The following SLC24A4 variants were observed in gnomAD, a reference collection of about 807,000 sequenced individuals.
SLC24A4 encodes the protein sodium/potassium/calcium exchanger 4.
SLC24A4 carries 53 observed loss-of-function variants against 79.0 expected under a neutral mutation model. The ratio of observed to expected loss-of-function variants is 0.67; its 90% CI spans 0.54 to 0.84. The LOEUF is 0.84. SLC24A4 is among the 40% of genes least tolerant of loss of function. The pLI is 0.00. For synonymous variants in SLC24A4, 323 were observed against 323.8 expected, an observed-to-expected ratio of 1.00 and a Z score of 0.03; for missense variants, 731 against 822.0, an observed-to-expected ratio of 0.89 and a Z score of 1.35.
Position 92,442,704 on chromosome 14 carries a change from C to G in SLC24A4, c.479-9C>G. 6.2e-7 allele frequency: 1 copy of G among 1,605,618 alleles called. No homozygotes were observed. The highest frequency in any genetic ancestry group is 8.5e-7 in the Non-Finnish European group (1 of 1,172,378). The stretch of plus-strand genomic sequence containing the variant: ...GCTGAGGCCCAGGGTCTGTGTGTTT[C>G]CTTTCCAGGGGTGTTCATCACCCAT... On this transcript the variant is annotated splice_polypyrimidine_tract_variant and intron_variant, in intron 5 of 16. Transcript: ENST00000532405.
intron 2 of SLC24A4, among the ~76,000 whole-genome samples, chr14:92,382,765 C>A (rs1312468536): frequency 6.6e-6 from 1 of 152,222 alleles, no homozygotes; most frequent in Non-Finnish European, 1.5e-5. Flanking sequence ...TAGAGAAATT[C>A]TTGGAGAAAA....
intron 2 of SLC24A4, among the ~76,000 whole-genome samples, chr14:92,357,425 A>G (rs1887242187): frequency 6.6e-6 from 1 of 152,242 alleles, no homozygotes; most frequent in African/African-American, 2.4e-5. Context: ...ACAACAGCCA[A>G]GAGGTAGAAA....
intron 2 of SLC24A4, among the ~76,000 whole-genome samples, chr14:92,422,877 C>T (rs181924602): frequency 3.0e-3 from 463 of 152,076 alleles, no homozygotes; most frequent in African/African-American, 0.011. Context: ...GCATTGGTGC[C>T]ATCACTGCTC....
At chr14:92,403,434 C>T (rs916689998) in intron 2 of SLC24A4, among the ~76,000 whole-genome samples, 7 of 151,838 alleles carry the variant, frequency 4.6e-5, no homozygotes, top group South Asian at 2.1e-4. Flanking sequence ...GGTGAAACCC[C>T]GTCTCTACTA....
intron 12 of SLC24A4, among the ~76,000 whole-genome samples, chr14:92,470,180 C>T (rs923219019): frequency 3.9e-5 from 6 of 152,214 alleles, no homozygotes; most frequent in Non-Finnish European, 8.8e-5. Context: ...CAAATTCTTG[C>T]AACTCCCTTC....
intron 13 of SLC24A4, among the ~76,000 whole-genome samples, chr14:92,483,277 C>A (rs191780793): frequency 6.6e-6 from 1 of 152,188 alleles, no homozygotes; most frequent in African/African-American, 2.4e-5. Flanking sequence ...CTCCTCCCCC[C>A]ACTGATGTGC....
At chr14:92,444,129 C>CA (rs1205466721) in intron 7 of SLC24A4, among the ~76,000 whole-genome samples, 1 of 151,980 alleles carries the variant, frequency 6.6e-6, no homozygotes, top group African/African-American at 2.4e-5. Flanking sequence ...CCACACCCCC[C>CA]AAAAAATAGA....
rs572479613 is a variant in SLC24A4, at chr14:92,366,019, T to C, written c.241+40041T>C. Among the ~76,000 whole-genome samples, 6 of 152,350 alleles carry C rather than the reference T, an allele frequency of 3.9e-5. No individual in the cohort carries two copies. The East Asian group carries it at 1.2e-3, about 29-fold the overall frequency. ...GGCAGGCACGGTTACAAATCCTTCATGCGTGTAAACTGGGTTAATCTGCAC... is the reference window on the plus strand; with the variant it reads ...GGCAGGCACGGTTACAAATCCTTCACGCGTGTAAACTGGGTTAATCTGCAC... On this transcript the variant is annotated intron_variant, in intron 2 of 16. Coordinates refer to ENST00000532405, the MANE Select transcript of SLC24A4 (RefSeq NM_153646.4).
Position 92,383,252 on chromosome 14 carries a change from C to A in SLC24A4, c.242-50660C>A, listed in dbSNP as rs551516007. On this transcript the variant is annotated intron_variant, in intron 2 of 16. Coordinates refer to ENST00000532405, the MANE Select transcript of SLC24A4 (RefSeq NM_153646.4). ...AGCTGGAAGTAAGATATGGGGCACC[C>A]CCCACTCTGCAGTCTATCCTCATTC... Among the ~76,000 whole-genome samples the A allele has an allele frequency of 2.0e-4, 31 of 152,314 alleles. No homozygotes were observed. The South Asian group carries it at 6.4e-3, about 32-fold the overall frequency.
intron 2 of SLC24A4, among the ~76,000 whole-genome samples, chr14:92,410,622 A>G (rs60509509): frequency 0.26 from 40,238 of 152,104 alleles, 5,835 homozygotes; most frequent in Non-Finnish European, 0.32. Context: ...CCTCTCCCAC[A>G]CCCTTTACAT....
Position 92,325,890 on chromosome 14 carries a change from C to T in SLC24A4, c.153C>T (p.Ser51=). ...GSLGHKTASA[S]KRVLPDTWRN... is the part of the protein sequence containing the mutation. ...CAGGGCACAAAACAGCTTCTGCTAG[C>T]AAACGTGTCCTGCCAGACACGTGGA... The change falls in exon 2 of 17, where the codon AGC becomes AGT. Residue 51 remains serine, a synonymous_variant. Coordinates refer to ENST00000532405, the MANE Select transcript of SLC24A4 (RefSeq NM_153646.4). 1 of 1,610,866 alleles carries T rather than the reference C, an allele frequency of 6.2e-7. No homozygotes were observed. The highest frequency in any genetic ancestry group is 8.5e-7 in the Non-Finnish European group (1 of 1,178,432).
chr14:92,458,048 C>G (rs1217927465), intron 12 of SLC24A4, among the ~76,000 whole-genome samples: 2 of 152,152 alleles, frequency 1.3e-5, no homozygotes, highest in African/African-American at 4.8e-5. Context: ...TAGAGAGATT[C>G]TCTGGGTTAG....
chr14:92,440,620 G>A (rs1240626789), intron 4 of SLC24A4, among the ~76,000 whole-genome samples: 2 of 152,056 alleles, frequency 1.3e-5, no homozygotes, highest in African/African-American at 4.8e-5. Context: ...TACAGTGGAG[G>A]TGCATGCACC....
chr14:92,342,149 A>G (rs1886181416), intron 2 of SLC24A4, among the ~76,000 whole-genome samples: 1 of 152,016 alleles, frequency 6.6e-6, no homozygotes, highest in East Asian at 1.9e-4. Context: ...CACACAATGA[A>G]GTCAGAGGGG....
intron 2 of SLC24A4, among the ~76,000 whole-genome samples, chr14:92,411,351 T>C (rs1890698332): frequency 6.6e-6 from 1 of 152,184 alleles, no homozygotes; most frequent in Non-Finnish European, 1.5e-5. Context: ...TGATCAGGGT[T>C]GAGAAGCCCA....
At chr14:92,408,280 G>C in intron 2 of SLC24A4, 4 of 484,484 alleles carry the variant, frequency 8.3e-6, no homozygotes, top group Non-Finnish European at 1.1e-5. Context: ...ATTTGAATCT[G>C]TTATTGTGTT....
rs1453707283 is a variant in SLC24A4 at position 92,343,650 on chromosome 14, T to C, written c.241+17672T>C. Among the ~76,000 whole-genome samples, 679 of 125,854 alleles carry C rather than the reference T, an allele frequency of 5.4e-3. 7 individuals carry two copies. The highest frequency in any genetic ancestry group is 0.012 in the African/African-American group (370 of 29,718). The allele number at this position is 125,854 out of a possible 152,430, so 82.6% of individuals were successfully genotyped here. On this transcript the variant is annotated intron_variant, in intron 2 of 16. Transcript: ENST00000532405. Reference sequence around the variant, plus strand: ...TTTCTTTCTTTCTTTCTCTCTTTCCTTCTTTCCTTCCTTCCTTCCTTCCTT... The same window carrying C: ...TTTCTTTCTTTCTTTCTCTCTTTCCCTCTTTCCTTCCTTCCTTCCTTCCTT...
chr14:92,362,684 A>AT (rs1887602052), intron 2 of SLC24A4, among the ~76,000 whole-genome samples: 1 of 152,168 alleles, frequency 6.6e-6, no homozygotes, highest in African/African-American at 2.4e-5. Context: ...CGTCACAGTG[A>AT]TCCCCCCGAG....
chr14:92,342,479 G>C (rs992652832), intron 2 of SLC24A4, among the ~76,000 whole-genome samples: 7 of 151,992 alleles, frequency 4.6e-5, no homozygotes, highest in Non-Finnish European at 1.0e-4. Flanking sequence ...TGCCTCCCGG[G>C]TTCAAGTGAT....
Sources: allele counts gnomAD v4.1 joint callset (sites outside exome capture counted in the v4.1 genomes callset), GRCh38; gene constraint gnomAD v4.1.1; transcripts MANE v1.5; gene names NCBI Gene and HGNC (gene_info 2026-07-23, HGNC 2026-07-21).